Variants in CAPN11 observed in about 807,000 individuals in gnomAD.
The protein encoded by CAPN11 is calpain-11.
A neutral mutation model predicts 105.3 loss-of-function variants in CAPN11; 108 were observed. The observed-to-expected ratio is 1.03, with a 90% CI of 0.88 to 1.20. The LOEUF is 1.20. CAPN11 is among the 50% of genes most tolerant of loss of function. CAPN11 has a pLI of 0.00. For missense variants in CAPN11, 883 were observed against 924.8 expected (o/e 0.95, Z 0.59); for synonymous variants, 329 against 344.5 (o/e 0.96, Z 0.50).
In CAPN11 at chr6:44,180,670, G is replaced by C; in HGVS notation, c.1746+8G>C. 1 of 1,613,790 alleles carries C rather than the reference G, an allele frequency of 6.2e-7. No individual in the cohort carries two copies. The highest frequency in any genetic ancestry group is 8.5e-7 in the Non-Finnish European group (1 of 1,179,822). On this transcript the variant is annotated splice_region_variant and intron_variant, in intron 16 of 22. Coordinates refer to ENST00000398776, the MANE Select transcript of CAPN11 (RefSeq NM_007058.4). The stretch of plus-strand genomic sequence containing the variant: ...AAGATAGTGGCAGGAGAGGTGAGCA[G>C]GCCACGAGCGGAGGGCTGACAGGAG...
chr6:44,180,795 G>T lies in CAPN11; in HGVS notation c.1794G>T (p.Met598Ile). The T allele has an allele frequency of 1.2e-6, 2 of 1,613,584 alleles. No individual in the cohort carries two copies. Among genetic ancestry groups the T allele is most frequent in the Non-Finnish European group, 1.7e-6 (2 of 1,179,726 alleles). ...AGCTCCAGAGGCTGCTCAACAGGAT[G>T]GCCATCAAATGTGAGTCTTCCACTC... is the stretch of plus-strand genomic sequence containing the variant. ...VYELQRLLNR[M>I]AIKFKSFKTK... The change falls in exon 17 of 23, where the codon ATG becomes ATT. Residue 598 changes from methionine to isoleucine, a missense_variant. Coordinates refer to ENST00000398776, the MANE Select transcript of CAPN11 (RefSeq NM_007058.4).
chr6:44,169,781 C>T lies in CAPN11; in HGVS notation c.340-125C>T, dbSNP rs1770648460. On this transcript the variant is annotated intron_variant, in intron 3 of 22. Coordinates refer to ENST00000398776, the MANE Select transcript of CAPN11 (RefSeq NM_007058.4). ...AGCTATGCCAAGTTGGTCCTGTACC[C>T]TCTCCCTGCCCCTCATATCTGTTCC... is the stretch of plus-strand genomic sequence containing the variant. 3.6e-6 allele frequency: 3 copies of T among 844,346 alleles called. No individual in the cohort carries two copies. In the Admixed American group the frequency reaches 6.5e-5, roughly 18 times the overall value. The allele number at this position is 844,346 out of a possible 1,614,324, so 52.3% of individuals were successfully genotyped here.
At chr6:44,181,387 A>C in intron 19 of CAPN11, 67 bp downstream of exon 19, 2 of 1,306,066 alleles carry the variant, frequency 1.5e-6, no homozygotes, top group Non-Finnish European at 2.2e-6. Context: ...GATGGAACTA[A>C]TGAGGGGAAG....
At position 44,172,399 on chromosome 6, in the gene CAPN11, T is replaced by A. The variant is rs1452153772; in HGVS notation, c.507T>A (p.Tyr169Ter). The A allele has an allele frequency of 6.4e-7, 1 of 1,556,100 alleles. No individual in the cohort carries two copies. Among genetic ancestry groups the A allele is most frequent in the South Asian group, 1.2e-5 (1 of 84,236 alleles). ...GAGGACAGAGCTTCAAGAAAAACTA[T>A]GCTGGCATCTTCCATTTTCAGGTGA... The part of the protein sequence containing the change: ...VPRGQSFKKN[Y>*]AGIFHFQIWQ... The change falls in exon 5 of 23, where the codon TAT (tyrosine) becomes TAA (stop). Residue 169 changes from tyrosine to a stop codon, truncating the protein, a stop_gained. Coordinates refer to ENST00000398776, the MANE Select transcript of CAPN11 (RefSeq NM_007058.4). LOFTEE classifies it high-confidence loss of function.
chr6:44,174,392 C>G (rs1248437228), intron 7 of CAPN11, among the ~76,000 whole-genome samples: 2 of 151,792 alleles, frequency 1.3e-5, no homozygotes, highest in African/African-American at 4.8e-5. Flanking sequence ...AAAAAGCCAA[C>G]CCTAGCCAGG....
intron 7 of CAPN11, among the ~76,000 whole-genome samples, chr6:44,174,967 T>A (rs529240321): frequency 2.0e-5 from 3 of 152,160 alleles, no homozygotes; most frequent in South Asian, 4.1e-4. Context: ...TAAGAACAGA[T>A]GAGTGGTTGC....
At chr6:44,169,626 C>T (rs1770625753) in intron 3 of CAPN11, 95 bp downstream of exon 3, 1 of 1,284,456 alleles carries the variant, frequency 7.8e-7, no homozygotes, top group Admixed American at 2.8e-5. Flanking sequence ...CAACCCCCCA[C>T]TACCCCATTC....
rs774677204 is a variant in CAPN11 at position 44,177,272 on chromosome 6, T to A, written c.1268T>A (p.Ile423Asn). 6.2e-7 allele frequency: 1 copy of A among 1,605,702 alleles called. No homozygotes were observed. Among genetic ancestry groups the A allele is most frequent in the Non-Finnish European group, 8.5e-7 (1 of 1,176,150 alleles). ...GTFWTNPQFK[I>N]SLPEGDDPED... ...TTCTGGACCAACCCCCAGTTTAAGA[T>A]CTCTCTTCCTGAGGGGGATGACCCA... The change falls in exon 12 of 23, where the codon ATC (isoleucine) becomes AAC (asparagine). Residue 423 changes from isoleucine (I) to asparagine (N), a missense_variant. Ile to Asn is a moderately radical substitution (Grantham distance 149). Transcript: ENST00000398776.
intron 10 of CAPN11, 26 bp from the exon 11 acceptor site, chr6:44,176,812 C>T (rs13208962): frequency 2.5e-4 from 402 of 1,612,014 alleles, no homozygotes; most frequent in Non-Finnish European, 3.2e-4. Flanking sequence ...GTGCTGCTGA[C>T]GGGCTCCACC....
chr6:44,161,679 G>A (rs538149417), intron 1 of CAPN11: 18 of 421,856 alleles, frequency 4.3e-5, no homozygotes, highest in South Asian at 2.7e-4. Flanking sequence ...GGGACAGAGG[G>A]CTCTGGGGAA....
intron 1 of CAPN11, among the ~76,000 whole-genome samples, chr6:44,161,557 C>A (rs947443630): frequency 1.3e-5 from 2 of 152,130 alleles, no homozygotes; most frequent in Non-Finnish European, 2.9e-5. Flanking sequence ...GTCCTTCCTG[C>A]AAGTCAGAGC....
Position 44,172,317 on chromosome 6 carries a change from T to C in CAPN11, c.425T>C (p.Leu142Pro), listed in dbSNP as rs111320370. The C allele has an allele frequency of 1.4e-5, 22 of 1,555,170 alleles. No individual in the cohort carries two copies. The highest frequency in any genetic ancestry group is 1.7e-5 in the Non-Finnish European group (19 of 1,149,466). ...CQGILGDCWL[L>P]AAIGSLTTCP... is the part of the protein sequence containing the mutation. ...GTCTTTCCAGGGGACTGCTGGCTGCTGGCTGCCATCGGCTCCCTTACCACC... is the reference window on the plus strand; with the variant it reads ...GTCTTTCCAGGGGACTGCTGGCTGCCGGCTGCCATCGGCTCCCTTACCACC... The change falls in exon 5 of 23, where the codon CTG becomes CCG. Residue 142 changes from leucine (L) to proline (P), a missense_variant. By Grantham distance (98) the Leu-to-Pro change is moderately conservative. Transcript: ENST00000398776.
chr6:44,177,082 A>G, intron 11 of CAPN11, 84 bp downstream of exon 11: 1 of 1,513,582 alleles, frequency 6.6e-7, no homozygotes, highest in Non-Finnish European at 9.0e-7. Context: ...CTGGGGCACG[A>G]GTCACCGGAG....
chr6:44,181,078 C>A, intron 18 of CAPN11, 81 bp downstream of exon 18: 1 of 1,323,518 alleles, frequency 7.6e-7, no homozygotes, highest in Non-Finnish European at 1.1e-6. Context: ...GGGCCAGCCA[C>A]GTCCTCCTCC....
In CAPN11 at chr6:44,172,439, G is replaced by C. The variant is rs1771172975; in HGVS notation, c.528+19G>C. ...TTTTCAGGTGAAGGACAGTGTGAGAGCCACTGTGGCTTTGTTGGGGGCGGG... is the reference window on the plus strand; with the variant it reads ...TTTTCAGGTGAAGGACAGTGTGAGACCCACTGTGGCTTTGTTGGGGGCGGG... On this transcript the variant is annotated intron_variant, in intron 5 of 22. Transcript: ENST00000398776. 3 of 1,424,568 alleles carry C rather than the reference G, an allele frequency of 2.1e-6. No homozygotes were observed. The highest frequency in any genetic ancestry group is 1.4e-5 in the African/African-American group (1 of 70,062). The allele number at this position is 1,424,568 out of a possible 1,614,324, so 88.2% of individuals were successfully genotyped here.
chr6:44,176,026 C>T lies in CAPN11; in HGVS notation c.832-42C>T, dbSNP rs557896865. The T allele has an allele frequency of 2.7e-4, 377 of 1,410,808 alleles. 6 individuals are homozygous for T. The South Asian group carries it at 4.3e-3, about 16-fold the overall frequency. The allele number at this position is 1,410,808 out of a possible 1,614,324, so 87.4% of individuals were successfully genotyped here. ...GGTGCCCAGTCCAGGTCCTCCATGCCCTCCATGCCCTCCATGCTCTCCCTC... is the reference window on the plus strand; with the variant it reads ...GGTGCCCAGTCCAGGTCCTCCATGCTCTCCATGCCCTCCATGCTCTCCCTC... On this transcript the variant is annotated intron_variant, in intron 7 of 22. Transcript: ENST00000398776.
chr6:44,161,936 C>T, intron 1 of CAPN11: 1 of 454,616 alleles, frequency 2.2e-6, no homozygotes, highest in South Asian at 1.5e-5. Flanking sequence ...TTTGTCAACC[C>T]CAGCTCTCTT....
intron 8 of CAPN11, 26 bp downstream of exon 8, chr6:44,176,177 C>G (rs906271389): frequency 2.7e-5 from 38 of 1,406,972 alleles, no homozygotes; most frequent in Non-Finnish European, 3.6e-5. Context: ...TGCGCCCTAC[C>G]CTGAGGACCC....
At position 44,176,371 on chromosome 6, in the gene CAPN11, G is replaced by A. The variant is rs1305794386; in HGVS notation, c.1001+33G>A. 7.0e-6 allele frequency: 11 copies of A among 1,581,522 alleles called. No homozygotes were observed. In the East Asian group the frequency reaches 9.0e-5, roughly 13 times the overall value. ...TCCCCAACCCAGGTGAGGGGTGGTC[G>A]GAGGATACAGCAGGCGGTGCCAGGT... is the stretch of plus-strand genomic sequence containing the variant. On this transcript the variant is annotated intron_variant, in intron 9 of 22. Coordinates refer to ENST00000398776, the MANE Select transcript of CAPN11 (RefSeq NM_007058.4).
Sources: gnomAD v4.1 joint callset for allele counts (sites outside exome capture counted in the v4.1 genomes callset) on GRCh38, gnomAD v4.1.1 for gene constraint, MANE v1.5 for transcripts, NCBI Gene and HGNC (gene_info 2026-07-23, HGNC 2026-07-21) for gene names.